The following MYO5B variants were observed in gnomAD, a reference collection of about 807,000 sequenced individuals.
The protein encoded by MYO5B is myosin VB.
In MYO5B, 143 loss-of-function variants were observed where a neutral mutation model predicts 229.3. That is an observed-to-expected ratio of 0.62 (90% CI 0.54 to 0.72). The LOEUF is 0.72. Among genes scored for constraint, MYO5B ranks in the 30% least tolerant of loss-of-function variants. The pLI is 0.00. For synonymous variants in MYO5B, 918 were observed against 885.2 expected (o/e 1.04, Z -0.66); for missense variants, 2,321 against 2,331.0 (o/e 1.00, Z 0.09).
intron 2 of MYO5B, among the ~76,000 whole-genome samples, chr18:50,044,330 T>C (rs1292963668): frequency 2.0e-5 from 3 of 152,152 alleles, no homozygotes; most frequent in African/African-American, 4.8e-5. Flanking sequence ...ACAGCTAATA[T>C]GGTTTTATTT....
In MYO5B at chr18:49,904,192, G is replaced by C. The variant is rs1023319185; in HGVS notation, c.2571+480C>G. Among the ~76,000 whole-genome samples the C allele has an allele frequency of 3.3e-5, 5 of 152,236 alleles. No individual in the cohort carries two copies. The East Asian group carries it at 5.8e-4, about 18-fold the overall frequency. ...TCTAACAGGAGATGTTTGAGTCATA[G>C]AGGCAGATCCCTCATGAACAAATAA... On this transcript the variant is annotated intron_variant, in intron 20 of 39. Coordinates refer to ENST00000285039, the MANE Select transcript of MYO5B (RefSeq NM_001080467.3).
chr18:49,907,442 C>T (rs1423672586), intron 18 of MYO5B, among the ~76,000 whole-genome samples: 1 of 152,180 alleles, frequency 6.6e-6, no homozygotes, highest in Non-Finnish European at 1.5e-5. Flanking sequence ...GGGCTCACCC[C>T]TTTGGATGAG....
At chr18:50,067,515 A>T (rs2030850122) in intron 1 of MYO5B, among the ~76,000 whole-genome samples, 2 of 152,128 alleles carry the variant, frequency 1.3e-5, no homozygotes, top group African/African-American at 4.8e-5. Context: ...TTCAATCCCC[A>T]ATATTGGAGA....
intron 1 of MYO5B, among the ~76,000 whole-genome samples, chr18:50,112,877 T>C (rs1003321526): frequency 2.0e-5 from 3 of 152,210 alleles, no homozygotes; most frequent in African/African-American, 7.2e-5. Context: ...TTAAAAAAAA[T>C]TGGGTCATTT....
chr18:49,847,874 C>T (rs944382949), intron 32 of MYO5B, among the ~76,000 whole-genome samples: 2 of 152,210 alleles, frequency 1.3e-5, no homozygotes, highest in African/African-American at 4.8e-5. Context: ...AGGACACGTC[C>T]TCAGCCACTA....
intron 1 of MYO5B, among the ~76,000 whole-genome samples, chr18:50,176,489 G>A (rs1398657261): frequency 6.6e-6 from 1 of 152,174 alleles, no homozygotes; most frequent in Non-Finnish European, 1.5e-5. Context: ...TGAGCCAGAT[G>A]TACCCAAGCT....
chr18:49,853,518 C>A lies in MYO5B; in HGVS notation c.4152G>T (p.Leu1384=). The part of the protein sequence containing the change: ...KQQQTFCQTL[L]LSPEAQVEFG... ...ATTCCACCTGGGCCTCTGGGGAGAG[C>A]AGTAGCGTCTGGCAGAAGGTCTGCT... Residue 1384 remains leucine, a synonymous_variant, in exon 31 of 40, where the codon CTG becomes CTT. Transcript: ENST00000285039. 1 of 1,614,154 alleles carries A rather than the reference C, an allele frequency of 6.2e-7. No individual in the cohort carries two copies. The highest frequency in any genetic ancestry group is 8.5e-7 in the Non-Finnish European group (1 of 1,180,028).
chr18:49,860,326 C>A (rs1209096152), intron 29 of MYO5B, among the ~76,000 whole-genome samples: 4 of 152,124 alleles, frequency 2.6e-5, no homozygotes, highest in African/African-American at 9.7e-5. Context: ...CTTCCCCATC[C>A]TTCTCCCATA....
chr18:50,167,272 C>A (rs2032865355), intron 1 of MYO5B, among the ~76,000 whole-genome samples: 1 of 152,246 alleles, frequency 6.6e-6, no homozygotes, highest in Admixed American at 6.5e-5. Context: ...ACTGAGCACT[C>A]CCTATGTATG....
intron 5 of MYO5B, among the ~76,000 whole-genome samples, chr18:49,995,962 T>C (rs1383783860): frequency 2.0e-5 from 3 of 152,336 alleles, no homozygotes; most frequent in East Asian, 1.9e-4. Flanking sequence ...CAAAGGCACA[T>C]GTTAAACAAT....
intron 1 of MYO5B, among the ~76,000 whole-genome samples, chr18:50,133,974 T>C (rs1003954287): frequency 6.6e-6 from 1 of 152,232 alleles, no homozygotes; most frequent in South Asian, 2.1e-4. Context: ...TAAGAAAAGA[T>C]GGGGCAATGA....
rs9967292 is a variant in MYO5B, at chr18:49,930,696, T to C, written c.2004-1098A>G. Among the ~76,000 whole-genome samples, 989 of 152,090 alleles carry C rather than the reference T, an allele frequency of 6.5e-3. 9 individuals are homozygous for C. Among genetic ancestry groups the C allele is most frequent in the African/African-American group, 0.023 (948 of 41,468 alleles). ...TCACAAGGTCAGGAGATCGAGACCA[T>C]CCTGGCTAACACGGTGAAACCCCAT... On this transcript the variant is annotated intron_variant, in intron 16 of 39. Coordinates refer to ENST00000285039, the MANE Select transcript of MYO5B (RefSeq NM_001080467.3).
chr18:50,037,845 T>C (rs1442857136), intron 3 of MYO5B, among the ~76,000 whole-genome samples: 1 of 152,046 alleles, frequency 6.6e-6, no homozygotes, highest in Non-Finnish European at 1.5e-5. Context: ...TGAGCTATGA[T>C]GGCACCACTG....
intron 1 of MYO5B, among the ~76,000 whole-genome samples, chr18:50,136,699 AC>A (rs1175242736): frequency 2.0e-5 from 3 of 152,042 alleles, no homozygotes; most frequent in African/African-American, 4.8e-5. Context: ...TCAAATCTTA[AC>A]CCTGCCACTT....
Position 50,193,604 on chromosome 18 carries a change from G to GT in MYO5B, c.27+1162dup, listed in dbSNP as rs559291389. 8.0e-3 allele frequency among the ~76,000 whole-genome samples: 1,216 copies of GT among 152,334 alleles called. 13 individuals carry two copies. The highest frequency in any genetic ancestry group is 0.027 in the African/African-American group (1,141 of 41,568). Reference sequence around the variant, plus strand: ...CCCAGACCTGTTGGCCCGGGCGGGTGTCCCGGGAATCGCATACCCACGCAA... The same window carrying GT: ...CCCAGACCTGTTGGCCCGGGCGGGTGTTCCCGGGAATCGCATACCCACGCAA... On this transcript the variant is annotated intron_variant, in intron 1 of 39. Transcript: ENST00000285039.
intron 36 of MYO5B, among the ~76,000 whole-genome samples, chr18:49,838,737 A>G (rs557633715): frequency 2.6e-5 from 4 of 152,294 alleles, no homozygotes; most frequent in African/African-American, 9.6e-5. Context: ...TGTCTAATAA[A>G]TACTGATGCA....
intron 12 of MYO5B, among the ~76,000 whole-genome samples, chr18:49,959,153 C>T (rs1032170891): frequency 1.4e-5 from 2 of 143,054 alleles, no homozygotes; most frequent in African/African-American, 2.6e-5. Flanking sequence ...CATCTGACTT[C>T]GCTTGGGAAT....
At chr18:49,845,821 G>A (rs928383179) in intron 33 of MYO5B, among the ~76,000 whole-genome samples, 6 of 152,202 alleles carry the variant, frequency 3.9e-5, no homozygotes, top group Admixed American at 2.0e-4. Context: ...GCACAAGACT[G>A]GAGGGGAGGG....
Position 50,100,782 on chromosome 18 carries a change from CT to C in MYO5B, c.28-45405del, listed in dbSNP as rs145028768. The stretch of plus-strand genomic sequence containing the variant: ...TCTTTCTCTGCTCTCTTCTTCTTGT[CT>C]TTGCTTTGCAAGGAACAATCAATCA... On this transcript the variant is annotated intron_variant, in intron 1 of 39. Transcript: ENST00000285039. Among the ~76,000 whole-genome samples, 28 of 152,316 alleles carry C rather than the reference CT, an allele frequency of 1.8e-4. No homozygotes were observed. The East Asian group carries it at 5.4e-3, about 29-fold the overall frequency.
Sources: allele counts gnomAD v4.1 joint callset (sites outside exome capture counted in the v4.1 genomes callset), GRCh38; gene constraint gnomAD v4.1.1; transcripts MANE v1.5; gene names NCBI Gene and HGNC (gene_info 2026-07-23, HGNC 2026-07-21).